Variants in GFRA2 observed in about 807,000 individuals in gnomAD.
GFRA2 encodes GDNF family receptor alpha 2, also known as GDNF family receptor alpha-2.
A neutral mutation model predicts 48.3 loss-of-function variants in GFRA2; 17 were observed. The observed-to-expected ratio is 0.35, with a 90% CI of 0.24 to 0.53. The LOEUF (loss-of-function observed/expected upper bound fraction) is 0.53. Ranked by LOEUF, GFRA2 falls within the 20% of genes least tolerant of loss-of-function variation. The pLI is 0.93. For missense variants in GFRA2, 660 were observed against 637.3 expected (o/e 1.04, Z -0.38); for synonymous variants, 305 against 257.2 (o/e 1.19, Z -1.78).
intron 7 of GFRA2, among the ~76,000 whole-genome samples, chr8:21,699,643 G>T (rs1470347394): frequency 1.3e-5 from 2 of 152,150 alleles, no homozygotes; most frequent in African/African-American, 4.8e-5. Flanking sequence ...ATAAGACCAC[G>T]AGTCTCTAAC....
At chr8:21,768,235 C>G (rs1236740129) in intron 3 of GFRA2, among the ~76,000 whole-genome samples, 1 of 152,226 alleles carries the variant, frequency 6.6e-6, no homozygotes, top group Admixed American at 6.5e-5. Flanking sequence ...GCCCAATTTT[C>G]GTTGACACTC....
intron 7 of GFRA2, among the ~76,000 whole-genome samples, chr8:21,695,016 G>A (rs1389717689): frequency 1.3e-5 from 2 of 152,228 alleles, no homozygotes; most frequent in African/African-American, 4.8e-5. Flanking sequence ...AAGATCATGA[G>A]CATTCATCTG....
intron 4 of GFRA2, among the ~76,000 whole-genome samples, chr8:21,724,210 C>T (rs986406820): frequency 3.3e-5 from 5 of 152,064 alleles, no homozygotes; most frequent in Non-Finnish European, 5.9e-5. Context: ...GACAGTATCT[C>T]CCTGCAGATG....
intron 4 of GFRA2, among the ~76,000 whole-genome samples, chr8:21,743,189 G>C (rs1365444769): frequency 6.6e-6 from 1 of 152,158 alleles, no homozygotes; most frequent in East Asian, 1.9e-4. Flanking sequence ...GGGGAAACTG[G>C]ATCTCAGGGT....
At chr8:21,752,567 C>T (rs531313415) in intron 3 of GFRA2, among the ~76,000 whole-genome samples, 1 of 152,198 alleles carries the variant, frequency 6.6e-6, no homozygotes, top group East Asian at 1.9e-4. Context: ...CATCTCATGG[C>T]CTGAAACACC....
chr8:21,720,815 C>T (rs996094838), intron 4 of GFRA2, among the ~76,000 whole-genome samples: 2 of 152,166 alleles, frequency 1.3e-5, no homozygotes, highest in South Asian at 2.1e-4. Context: ...CTCCAGTTAT[C>T]GCACTGGCAT....
chr8:21,793,066 CA>C (rs201302835), upstream of GFRA2, among the ~76,000 whole-genome samples: 9 of 146,432 alleles, frequency 6.1e-5, no homozygotes, highest in East Asian at 4.0e-4. Context: ...GACCCTGCCT[CA>C]AAAAAAAAAG....
At chr8:21,810,722 T>A (rs1420991135) in intron 1 of GFRA2, among the ~76,000 whole-genome samples, 1 of 151,952 alleles carries the variant, frequency 6.6e-6, no homozygotes, top group Non-Finnish European at 1.5e-5. Flanking sequence ...TCTCAGGGAC[T>A]CTATGGAAAA....
At chr8:21,808,269 C>G (rs763935767) in intron 1 of GFRA2, among the ~76,000 whole-genome samples, 19 of 152,298 alleles carry the variant, frequency 1.2e-4, no homozygotes, top group Admixed American at 3.3e-4. Context: ...CTTGTCATGT[C>G]GGCTCCCAAA....
intron 4 of GFRA2, among the ~76,000 whole-genome samples, chr8:21,727,770 C>T (rs1358076557): frequency 6.6e-6 from 1 of 152,232 alleles, no homozygotes; most frequent in Non-Finnish European, 1.5e-5. Flanking sequence ...TCCTTACCAC[C>T]GCGGTCTCTC....
chr8:21,784,911 G>A (rs1361157695), intron 1 of GFRA2, among the ~76,000 whole-genome samples: 1 of 152,110 alleles, frequency 6.6e-6, no homozygotes, highest in Non-Finnish European at 1.5e-5. Flanking sequence ...GTACAGCCGG[G>A]CCCCCCAAGA....
intron 7 of GFRA2, 38 bp downstream of exon 7, chr8:21,702,767 C>A: frequency 6.5e-7 from 1 of 1,536,652 alleles, no homozygotes; most frequent in Non-Finnish European, 8.7e-7. Context: ...CTTCCGGTGC[C>A]ATGGTGCTCC....
intron 4 of GFRA2, among the ~76,000 whole-genome samples, chr8:21,716,775 T>A (rs969864881): frequency 6.6e-6 from 1 of 152,136 alleles, no homozygotes; most frequent in Non-Finnish European, 1.5e-5. Context: ...CAGCCATGCA[T>A]GGAGATTTTC....
At chr8:21,713,037 G>A (rs1427299493) in intron 4 of GFRA2, among the ~76,000 whole-genome samples, 9 of 130,878 alleles carry the variant, frequency 6.9e-5, no homozygotes, top group Admixed American at 2.1e-4. Flanking sequence ...AGAGGGAGAC[G>A]AGGGAGAGGG....
chr8:21,757,252 C>G (rs574269262), intron 3 of GFRA2, among the ~76,000 whole-genome samples: 41 of 152,312 alleles, frequency 2.7e-4, no homozygotes, highest in Middle Eastern at 6.8e-3. Context: ...CCCAGCCTCT[C>G]CTGTTAATTC....
At chr8:21,768,511 T>G (rs1273779907) in intron 3 of GFRA2, among the ~76,000 whole-genome samples, 9 of 152,134 alleles carry the variant, frequency 5.9e-5, no homozygotes, top group African/African-American at 2.2e-4. Flanking sequence ...CACCGTCTAT[T>G]CTTTTGCTCA....
At chr8:21,694,103 G>A (rs1802038505) in intron 8 of GFRA2, among the ~76,000 whole-genome samples, 1 of 95,836 alleles carries the variant, frequency 1.0e-5, no homozygotes, top group African/African-American at 3.7e-5. Flanking sequence ...TTCCTATAGT[G>A]GGGGTTTCTT....
In GFRA2 at chr8:21,775,024, C is replaced by T; in HGVS notation, c.387G>A (p.Glu129=). ...GEEFYEASPY[E]PVTSRLSDIF... is the part of the protein sequence containing the mutation. ...TGTCCGAGAGGCGGGAGGTCACCGG[C>T]TCATAGGGGGAGGCTTCGTAGAACT... The change falls in exon 3 of 9, where the codon GAG becomes GAA. Residue 129 remains glutamate (E), a synonymous_variant. Transcript: ENST00000524240. 1 of 1,604,316 alleles carries T rather than the reference C, an allele frequency of 6.2e-7. No individual in the cohort carries two copies. The highest frequency in any genetic ancestry group is 1.3e-5 in the African/African-American group (1 of 74,868).
rs61578379 is a variant in GFRA2, at chr8:21,747,756, CCACACACACACACA to C, written c.794+2818_794+2831del. Among the ~76,000 whole-genome samples the C allele has an allele frequency of 6.2e-4, 86 of 139,148 alleles. 2 individuals carry two copies. Among genetic ancestry groups the C allele is most frequent in the South Asian group, 5.1e-3 (21 of 4,080 alleles). 91.3% of individuals were successfully genotyped at this position (139,148 alleles called of 152,430 possible). A position where few individuals can be genotyped will look rare whatever the true frequency, so the allele number is the denominator to read the frequency against. On this transcript the variant is annotated intron_variant, in intron 4 of 8. Coordinates refer to ENST00000524240, the MANE Select transcript of GFRA2 (RefSeq NM_001495.5). ...CGGGCCCACTGCGGTCCATCTTCCA[CCACACACACACACA>C]CACACACACACACACACACACACAC...
Sources: allele counts gnomAD v4.1 joint callset (sites outside exome capture counted in the v4.1 genomes callset), GRCh38; gene constraint gnomAD v4.1.1; transcripts MANE v1.5; gene names NCBI Gene and HGNC (gene_info 2026-07-23, HGNC 2026-07-21).